LTN1: variants seen among roughly 807,000 people sequenced by gnomAD.
LTN1 encodes listerin E3 ubiquitin protein ligase 1.
In LTN1, 88 loss-of-function variants were observed where a neutral mutation model predicts 201.2. The observed-to-expected ratio is 0.44, with a 90% CI of 0.37 to 0.52. LTN1 has a LOEUF of 0.52. Among genes scored for constraint, LTN1 ranks in the 20% least tolerant of loss-of-function variants. LTN1 has a pLI of 0.00. For synonymous variants in LTN1, 645 were observed against 713.5 expected (o/e 0.90, Z 1.53); for missense variants, 1,752 against 2,038.7 (o/e 0.86, Z 2.71).
At chr21:28,940,361 T>C (rs987463006) in intron 25 of LTN1, among the ~76,000 whole-genome samples, 4 of 152,230 alleles carry the variant, frequency 2.6e-5, no homozygotes, top group Non-Finnish European at 5.9e-5. Flanking sequence ...TCTTACTTCC[T>C]AAACATGAGA....
chr21:28,985,335 C>A (rs927580010), intron 3 of LTN1, among the ~76,000 whole-genome samples: 2 of 151,994 alleles, frequency 1.3e-5, no homozygotes, highest in Non-Finnish European at 2.9e-5. Flanking sequence ...GTGGCACACA[C>A]CTGTAATCCC....
intron 18 of LTN1, 99 bp downstream of exon 18, chr21:28,952,061 C>A: frequency 1.6e-6 from 1 of 634,726 alleles, no homozygotes; most frequent in Non-Finnish European, 2.7e-6. Flanking sequence ...TTTCCTAAAC[C>A]TGTTTTCTTG....
chr21:28,939,019 C>T (rs1003480895), intron 25 of LTN1, among the ~76,000 whole-genome samples: 1 of 152,174 alleles, frequency 6.6e-6, no homozygotes, highest in Non-Finnish European at 1.5e-5. Flanking sequence ...CAGCCCTCCA[C>T]TTCCATGGGT....
At chr21:28,976,095 G>C (rs1479644042) in intron 6 of LTN1, among the ~76,000 whole-genome samples, 5 of 150,558 alleles carry the variant, frequency 3.3e-5, no homozygotes, top group Admixed American at 6.6e-5. Flanking sequence ...TGACTTGGAA[G>C]GACAAAAGGA....
chr21:28,989,021 TC>T (rs1677569981), intron 1 of LTN1, among the ~76,000 whole-genome samples: 1 of 151,920 alleles, frequency 6.6e-6, no homozygotes, highest in African/African-American at 2.4e-5. Context: ...AAGCAGCTGT[TC>T]TCTATTTTTT....
rs1039336268 is a variant in LTN1 at position 28,982,303 on chromosome 21, C to G, written c.629+13G>C. On this transcript the variant is annotated intron_variant, in intron 5 of 29. Coordinates refer to ENST00000361371, the MANE Select transcript of LTN1 (RefSeq NM_015565.3). ...ATCCTTAACATGAGTTACAATGAAACAATACAACTTACTGCGGGTCACTGA... is the reference window on the plus strand; with the variant it reads ...ATCCTTAACATGAGTTACAATGAAAGAATACAACTTACTGCGGGTCACTGA... 1.2e-6 allele frequency: 2 copies of G among 1,605,014 alleles called. No individual in the cohort carries two copies. The highest frequency in any genetic ancestry group is 1.3e-5 in the African/African-American group (1 of 74,638).
At chr21:28,953,806 T>C (rs2084403164) in intron 16 of LTN1, among the ~76,000 whole-genome samples, 1 of 152,094 alleles carries the variant, frequency 6.6e-6, no homozygotes, top group Admixed American at 6.6e-5. Context: ...CAATTACAGA[T>C]TGGGGTGGAT....
At chr21:28,976,091 G>A (rs2084613016) in intron 6 of LTN1, among the ~76,000 whole-genome samples, 1 of 151,262 alleles carries the variant, frequency 6.6e-6, no homozygotes, top group African/African-American at 2.4e-5. Flanking sequence ...AGGATGACTT[G>A]GAAGGACAAA....
chr21:28,958,072 G>C (rs1248384519), intron 14 of LTN1, among the ~76,000 whole-genome samples: 1 of 152,284 alleles, frequency 6.6e-6, no homozygotes, highest in South Asian at 2.1e-4. Flanking sequence ...TAAATGGATG[G>C]TCATTGAAAC....
Position 28,959,742 on chromosome 21 carries a change from C to T in LTN1, c.2354-45G>A, listed in dbSNP as rs376267395. Reference sequence around the variant, plus strand: ...AACAGACAAAAAATAAAAATATTAACGTGTATTTTTAAATATCTTACTTTG... The same window carrying T: ...AACAGACAAAAAATAAAAATATTAATGTGTATTTTTAAATATCTTACTTTG... On this transcript the variant is annotated intron_variant, in intron 12 of 29. Coordinates refer to ENST00000361371, the MANE Select transcript of LTN1 (RefSeq NM_015565.3). 4.0e-4 allele frequency: 567 copies of T among 1,433,108 alleles called. No homozygotes were observed. In the African/African-American group the frequency reaches 6.5e-3, roughly 16 times the overall value. 88.8% of individuals were successfully genotyped at this position (1,433,108 alleles called of 1,614,324 possible).
chr21:28,982,485 T>A, intron 4 of LTN1, 117 bp from the exon 5 acceptor site: 1 of 736,642 alleles, frequency 1.4e-6, no homozygotes, highest in Non-Finnish European at 2.3e-6. Context: ...TCATCTTACC[T>A]AAGAGCAGAA....
In LTN1 at chr21:28,944,596, T is replaced by C. The variant is rs1344890828; in HGVS notation, c.3769A>G (p.Thr1257Ala). 2 of 1,608,596 alleles carry C rather than the reference T, an allele frequency of 1.2e-6. No individual in the cohort carries two copies. The highest frequency in any genetic ancestry group is 1.7e-6 in the Non-Finnish European group (2 of 1,176,348). ...IMCSMLAWLE[T>A]TSENQALYSI... is the part of the protein sequence containing the mutation. The stretch of plus-strand genomic sequence containing the variant: ...TACAATGCCTGATTCTCACTTGTTG[T>C]CTGAAAAAACAATAAAAATGAAATA... The change falls in exon 22 of 30, where the codon ACA becomes GCA. Residue 1257 changes from threonine (T) to alanine (A), a missense_variant and splice_region_variant. Physicochemically the swap from Thr to Ala is moderately conservative, Grantham distance 58. Around this residue, in one of 3 missense-constraint regions of LTN1, gnomAD observed 1,211 missense variants for 1,312.8 expected, o/e 0.92. Transcript: ENST00000361371.
At chr21:28,934,655 C>G (rs1218154412) in intron 27 of LTN1, among the ~76,000 whole-genome samples, 1 of 152,118 alleles carries the variant, frequency 6.6e-6, no homozygotes, top group Non-Finnish European at 1.5e-5. Context: ...TGGGGTTTCA[C>G]CATGTTGCCC....
At chr21:28,990,898 T>C (rs1300956579) in intron 1 of LTN1, among the ~76,000 whole-genome samples, 1 of 152,176 alleles carries the variant, frequency 6.6e-6, no homozygotes, top group Non-Finnish European at 1.5e-5. Context: ...GAATGAGTGA[T>C]CCTTGACTGA....
chr21:28,952,134 A>G, intron 18 of LTN1, 26 bp downstream of exon 18: 2 of 1,417,936 alleles, frequency 1.4e-6, no homozygotes, highest in South Asian at 1.2e-5. Context: ...TAAACTACAA[A>G]GTAAAAACAT....
chr21:28,977,474 C>T (rs1335298562), intron 6 of LTN1, among the ~76,000 whole-genome samples: 1 of 151,828 alleles, frequency 6.6e-6, no homozygotes, highest in Admixed American at 6.6e-5. Flanking sequence ...TGCCTGTAAT[C>T]CCAAATGGGA....
chr21:28,964,108 A>G (rs2084501552), intron 11 of LTN1, among the ~76,000 whole-genome samples: 1 of 152,230 alleles, frequency 6.6e-6, no homozygotes, highest in Admixed American at 6.5e-5. Flanking sequence ...TTATAATATT[A>G]CATAAACTTA....
chr21:28,947,819 G>A (rs1405672761), intron 18 of LTN1, among the ~76,000 whole-genome samples: 2 of 150,902 alleles, frequency 1.3e-5, no homozygotes, highest in Non-Finnish European at 2.9e-5. Flanking sequence ...TTTTTTAAAT[G>A]AGCATATATA....
chr21:28,981,340 T>G, intron 5 of LTN1, 41 bp from the exon 6 acceptor site: 1 of 1,117,918 alleles, frequency 8.9e-7, no homozygotes, highest in Admixed American at 3.2e-5. Flanking sequence ...AAATTTAGAA[T>G]TAGCCAAACT....
Sources: gnomAD v4.1 joint callset for allele counts (sites outside exome capture counted in the v4.1 genomes callset) on GRCh38, gnomAD v4.1.1 for gene constraint, gnomAD v4.1.1 regional missense constraint, MANE v1.5 for transcripts, NCBI Gene and HGNC (gene_info 2026-07-23, HGNC 2026-07-21) for gene names.